Variants in RIMS2 observed in about 807,000 individuals in gnomAD.
The protein encoded by RIMS2 is regulating synaptic membrane exocytosis protein 2.
Under a neutral mutation model 174.4 loss-of-function variants are expected in RIMS2, and 59 were observed. The observed-to-expected ratio is 0.34, with a 90% confidence interval of 0.27 to 0.42. The LOEUF (loss-of-function observed/expected upper bound fraction) is 0.42, where lower values mean the gene tolerates loss of function less well. Ranked by LOEUF, RIMS2 falls within the 10% of genes least tolerant of loss-of-function variation. The probability of loss-of-function intolerance (pLI) is 1.00; values close to 1 mark genes in which losing one functional copy is unlikely to be tolerated. For missense variants in RIMS2, 1,620 were observed against 1,666.3 expected (o/e 0.97, Z 0.48); for synonymous variants, 606 against 572.5 (o/e 1.06, Z -0.84).
intron 19 of RIMS2, among the ~76,000 whole-genome samples, chr8:104,225,971 A>G (rs192615262): frequency 1.3e-5 from 2 of 152,316 alleles, no homozygotes; most frequent in East Asian, 1.9e-4. Context: ...GTATTTCAAC[A>G]TACTCTGCAG....
At chr8:104,250,010 C>T (rs962489418) in intron 22 of RIMS2, among the ~76,000 whole-genome samples, 2 of 152,182 alleles carry the variant, frequency 1.3e-5, no homozygotes, top group Non-Finnish European at 2.9e-5. Flanking sequence ...CCAAGAGTAG[C>T]ATAAGCTATG....
At position 103,927,451 on chromosome 8, in the gene RIMS2, T is replaced by C. The variant is rs1430863465; in HGVS notation, c.2197-391T>C. ...TGTAATACATTTTCAACTAACTTCT[T>C]TTTGCACTATTCTATTTTTTATGTA... On this transcript the variant is annotated intron_variant, in intron 10 of 23. Transcript: ENST00000504942. 7.3e-5 allele frequency among the ~76,000 whole-genome samples: 11 copies of C among 151,600 alleles called. No homozygotes were observed. The East Asian group carries it at 2.1e-3, about 29-fold the overall frequency.
chr8:103,640,709 T>G (rs919689580), intron 1 of RIMS2, among the ~76,000 whole-genome samples: 1 of 152,100 alleles, frequency 6.6e-6, no homozygotes, highest in Admixed American at 6.6e-5. Context: ...CTCTGTGAAC[T>G]CAGAGCATAT....
intron 1 of RIMS2, among the ~76,000 whole-genome samples, chr8:103,657,275 G>A (rs771549766): frequency 2.0e-5 from 3 of 152,144 alleles, no homozygotes; most frequent in Admixed American, 6.5e-5. Context: ...CTGCTCTCTT[G>A]TAAGCCATCT....
chr8:103,961,108 T>C, exon 15 of RIMS2: 1 of 1,503,812 alleles, frequency 6.6e-7, no homozygotes, highest in Non-Finnish European at 9.3e-7. Context: ...ACTATGACTG[T>C]GATGATGGAA....
At chr8:103,768,256 C>CT (rs2098202712) in intron 3 of RIMS2, 1 of 534,222 alleles carries the variant, frequency 1.9e-6, no homozygotes, top group African/African-American at 1.9e-5. Flanking sequence ...TTCGTGGTGC[C>CT]TTGGAGGCAT....
rs2091557681 is a variant in RIMS2 at position 103,965,474 on chromosome 8, G to A, written c.2770+4341G>A. On this transcript the variant is annotated intron_variant, in intron 15 of 23. Coordinates refer to ENST00000504942, the Ensembl canonical transcript of RIMS2. The stretch of plus-strand genomic sequence containing the variant: ...GATATATGGGAAAGTTATTGACTTT[G>A]GAATATTAACCTTATATCCTACAAC... 2.0e-5 allele frequency among the ~76,000 whole-genome samples: 3 copies of A among 151,900 alleles called. No individual in the cohort carries two copies. The South Asian group carries it at 6.2e-4, about 32-fold the overall frequency.
chr8:104,135,613 C>CAAAAAAAA (rs35163912), intron 19 of RIMS2, among the ~76,000 whole-genome samples: 7 of 79,682 alleles, frequency 8.8e-5, no homozygotes, highest in South Asian at 4.2e-4. Context: ...CTCCCAACCT[C>CAAAAAAAA]AAAAAAAAAA....
chr8:103,939,144 G>T (rs1052561819), intron 13 of RIMS2, among the ~76,000 whole-genome samples: 6 of 152,200 alleles, frequency 3.9e-5, no homozygotes, highest in African/African-American at 1.4e-4. Flanking sequence ...CTGTACCGGG[G>T]CTCTGACCCC....
intron 19 of RIMS2, among the ~76,000 whole-genome samples, chr8:104,133,618 G>A (rs1566604915): frequency 6.6e-6 from 1 of 152,206 alleles, no homozygotes; most frequent in Non-Finnish European, 1.5e-5. Flanking sequence ...GCTTCTATGT[G>A]GAGAATGAGT....
intron 15 of RIMS2, among the ~76,000 whole-genome samples, chr8:103,964,278 G>C (rs2091128775): frequency 6.6e-6 from 1 of 152,176 alleles, no homozygotes; most frequent in Non-Finnish European, 1.5e-5. Context: ...CACCAGCAAT[G>C]AATGAGAGTT....
At chr8:103,969,129 T>C (rs779724597) in intron 15 of RIMS2, among the ~76,000 whole-genome samples, 10 of 152,048 alleles carry the variant, frequency 6.6e-5, no homozygotes, top group Non-Finnish European at 1.3e-4. Context: ...TTCTCTGTCT[T>C]CTTTCAAGGG....
intron 19 of RIMS2, among the ~76,000 whole-genome samples, chr8:104,113,091 G>T (rs1260115607): frequency 4.6e-5 from 7 of 151,938 alleles, no homozygotes; most frequent in Non-Finnish European, 1.0e-4. Flanking sequence ...ATAATATCCA[G>T]AAAACCATAG....
chr8:103,920,765 G>A (rs1373389054), intron 9 of RIMS2: 9 of 450,026 alleles, frequency 2.0e-5, no homozygotes, highest in East Asian at 1.4e-4. Context: ...CGAGGCGGGC[G>A]GATCACGAGG....
intron 2 of RIMS2, among the ~76,000 whole-genome samples, chr8:103,715,913 T>C (rs2097363012): frequency 6.6e-6 from 1 of 152,136 alleles, no homozygotes; most frequent in Non-Finnish European, 1.5e-5. Flanking sequence ...TTTATTGTCT[T>C]TGTATATAAA....
chr8:104,039,666 T>C (rs1028422347), intron 19 of RIMS2, among the ~76,000 whole-genome samples: 1 of 151,750 alleles, frequency 6.6e-6, no homozygotes, highest in Non-Finnish European at 1.5e-5. Flanking sequence ...ATGGAAAATG[T>C]GTATCTAGGG....
intron 19 of RIMS2, among the ~76,000 whole-genome samples, chr8:104,189,615 T>C (rs1416438026): frequency 1.3e-5 from 2 of 148,168 alleles, no homozygotes; most frequent in East Asian, 3.9e-4. Context: ...TAAATATATA[T>C]ATATTTCAAA....
intron 19 of RIMS2, among the ~76,000 whole-genome samples, chr8:104,176,696 A>C (rs1472394040): frequency 6.6e-6 from 1 of 151,358 alleles, no homozygotes; most frequent in Non-Finnish European, 1.5e-5. Context: ...ATTATATATG[A>C]ATATATAATC....
intron 19 of RIMS2, among the ~76,000 whole-genome samples, chr8:104,071,943 A>G (rs2097204175): frequency 1.3e-5 from 2 of 152,228 alleles, no homozygotes; most frequent in African/African-American, 4.8e-5. Context: ...TGACATCTTT[A>G]TAAGGCCTTT....
Sources: gnomAD v4.1 joint callset for allele counts (sites outside exome capture counted in the v4.1 genomes callset) on GRCh38, gnomAD v4.1.1 for gene constraint, MANE v1.5 for transcripts, NCBI Gene and HGNC (gene_info 2026-07-23, HGNC 2026-07-21) for gene names.